SKI: variants seen among roughly 807,000 people sequenced by gnomAD.
SKI encodes the protein ski oncogene.
SKI carries 23 observed loss-of-function variants against 59.3 expected under a neutral mutation model. The observed-to-expected ratio is 0.39, with a 90% CI of 0.28 to 0.55. The LOEUF (loss-of-function observed/expected upper bound fraction) is 0.55. Ranked by LOEUF, SKI falls within the 20% of genes least tolerant of loss-of-function variation. SKI has a pLI of 0.67. For missense variants in SKI, 1,017 were observed against 1,038.9 expected (o/e 0.98, Z 0.29); for synonymous variants, 673 against 488.6 (o/e 1.38, Z -4.98).
At chr1:2,242,428 G>A (rs1638900354) in intron 1 of SKI, among the ~76,000 whole-genome samples, 1 of 152,208 alleles carries the variant, frequency 6.6e-6, no homozygotes, top group African/African-American at 2.4e-5. Context: ...GTGGGAAGCC[G>A]GGATGTGGCC....
intron 1 of SKI, among the ~76,000 whole-genome samples, chr1:2,299,798 C>T (rs1361020344): frequency 1.3e-5 from 2 of 152,204 alleles, no homozygotes; most frequent in East Asian, 3.9e-4. Context: ...TTCTCAATGG[C>T]TCTTCTCTGT....
chr1:2,259,525 T>C (rs1439400909), intron 1 of SKI, among the ~76,000 whole-genome samples: 1 of 152,196 alleles, frequency 6.6e-6, no homozygotes, highest in Non-Finnish European at 1.5e-5. Flanking sequence ...GTTAGGATGA[T>C]TGCTGTGTAG....
Position 2,308,091 on chromosome 1 carries a change from G to A in SKI, c.*1326G>A, listed in dbSNP as rs1569873022. 1 of 152,298 alleles carries A rather than the reference G, an allele frequency of 6.6e-6. No homozygotes were observed. The highest frequency in any genetic ancestry group is 2.4e-5 in the African/African-American group (1 of 41,438). 9.4% of individuals were successfully genotyped at this position (152,298 alleles called of 1,614,324 possible). A position where few individuals can be genotyped will look rare whatever the true frequency, so the allele number is the denominator to read the frequency against. On this transcript the variant is annotated 3_prime_UTR_variant, in exon 7 of 7. Coordinates refer to ENST00000378536, the MANE Select transcript of SKI (RefSeq NM_003036.4). ...ATTGTATAAGGTTTCTTATGCCCAA[G>A]CTTGAAAAATGATTTCCCAGTAGAC...
Position 2,303,461 on chromosome 1 carries a change from A to T in SKI, c.1211+61A>T. 3.5e-6 allele frequency: 5 copies of T among 1,443,042 alleles called. No individual in the cohort carries two copies. Among genetic ancestry groups the T allele is most frequent in the Non-Finnish European group, 4.8e-6 (5 of 1,034,252 alleles). 89.4% of individuals were successfully genotyped at this position (1,443,042 alleles called of 1,614,324 possible). A position where few individuals can be genotyped will look rare whatever the true frequency, so the allele number is the denominator to read the frequency against. Reference sequence around the variant, plus strand: ...GGGGGAGGCTCCACGAGGGCTGTGCATGCGGACGCGCCCATGTTTCTGCAG... The same window carrying T: ...GGGGGAGGCTCCACGAGGGCTGTGCTTGCGGACGCGCCCATGTTTCTGCAG... On this transcript the variant is annotated intron_variant, in intron 3 of 6. Transcript: ENST00000378536. This position sits in a 1 kb window ranked among gnomAD's most constrained non-coding sequence, Gnocchi z 5.6.
chr1:2,264,323 G>T (rs1456762977), intron 1 of SKI, among the ~76,000 whole-genome samples: 1 of 152,184 alleles, frequency 6.6e-6, no homozygotes, highest in Non-Finnish European at 1.5e-5. Flanking sequence ...AGGCTGAAGT[G>T]CAGTGGCACG....
chr1:2,302,940 G>T (rs1209908918), intron 1 of SKI, 38 bp from the exon 2 acceptor site: 1 of 1,612,944 alleles, frequency 6.2e-7, no homozygotes, highest in Admixed American at 1.7e-5. Context: ...CCTGCCCTGG[G>T]AACCACAGGT....
intron 6 of SKI, 120 bp downstream of exon 6, chr1:2,306,370 T>G: frequency 9.3e-7 from 1 of 1,073,956 alleles, no homozygotes; most frequent in Non-Finnish European, 1.3e-6. Flanking sequence ...CGGGACCACG[T>G]TCCGTGCGTG....
intron 1 of SKI, among the ~76,000 whole-genome samples, chr1:2,247,226 C>CA (rs964658895): frequency 4.0e-5 from 6 of 151,796 alleles, no homozygotes; most frequent in Admixed American, 6.5e-5. Flanking sequence ...CTTAAAAAAA[C>CA]AAAAAACAAA....
chr1:2,251,130 G>A (rs545934150), intron 1 of SKI, among the ~76,000 whole-genome samples: 184 of 152,298 alleles, frequency 1.2e-3, no homozygotes, highest in African/African-American at 4.1e-3. Context: ...TGCTGCTGGA[G>A]TCTCGCCTTT....
At chr1:2,235,060 T>G (rs1386889300) in intron 1 of SKI, among the ~76,000 whole-genome samples, 12 of 150,998 alleles carry the variant, frequency 7.9e-5, no homozygotes, top group Non-Finnish European at 1.6e-4. Flanking sequence ...TTTTTTTTTT[T>G]GAGACAGGGT....
chr1:2,286,994 G>A (rs1295568250), intron 1 of SKI, among the ~76,000 whole-genome samples: 6 of 152,244 alleles, frequency 3.9e-5, no homozygotes, highest in African/African-American at 1.2e-4. Context: ...ACATGGCTGC[G>A]TGCCCACAAA....
At chr1:2,292,018 C>G (rs1308318532) in intron 1 of SKI, among the ~76,000 whole-genome samples, 1 of 152,198 alleles carries the variant, frequency 6.6e-6, no homozygotes, top group East Asian at 1.9e-4. Context: ...ATTAATGGCA[C>G]TTACAAAAAT....
rs1186081827 is a variant in SKI, at chr1:2,307,633, C to G, written c.*868C>G. 1 of 152,534 alleles carries G rather than the reference C, an allele frequency of 6.6e-6. No homozygotes were observed. Among genetic ancestry groups the G allele is most frequent in the Non-Finnish European group, 1.5e-5 (1 of 68,048 alleles). The allele number at this position is 152,534 out of a possible 1,614,324, so 9.4% of individuals were successfully genotyped here. A position where few individuals can be genotyped will look rare whatever the true frequency, so the allele number is the denominator to read the frequency against. ...CCTTTTCAGTTCGGCAAACGTCGCTCCCTTCATTTTGGGACTGAGGCTGCA... is the reference window on the plus strand; with the variant it reads ...CCTTTTCAGTTCGGCAAACGTCGCTGCCTTCATTTTGGGACTGAGGCTGCA... On this transcript the variant is annotated 3_prime_UTR_variant, in exon 7 of 7. Transcript: ENST00000378536.
intron 1 of SKI, among the ~76,000 whole-genome samples, chr1:2,236,137 C>T (rs754633297): frequency 4.6e-5 from 7 of 152,136 alleles, no homozygotes; most frequent in Admixed American, 2.6e-4. Context: ...CTTGGGCTGG[C>T]ACACCTGGCG....
chr1:2,293,393 T>A (rs762891491), intron 1 of SKI, among the ~76,000 whole-genome samples: 1 of 151,536 alleles, frequency 6.6e-6, no homozygotes, highest in African/African-American at 2.4e-5. Context: ...GGCCTGCGGA[T>A]GTCGCTTCTC....
chr1:2,286,826 T>C (rs57176637), intron 1 of SKI, among the ~76,000 whole-genome samples: 18,685 of 152,200 alleles, frequency 0.12, 1,281 homozygotes, highest in African/African-American at 0.18. Flanking sequence ...GGACGCTCTT[T>C]ACACGGGCTG....
intron 1 of SKI, among the ~76,000 whole-genome samples, chr1:2,293,760 C>T (rs762908728): frequency 1.3e-5 from 2 of 152,206 alleles, no homozygotes; most frequent in South Asian, 2.1e-4. Context: ...GCTGCCCGGC[C>T]TCTGGGACCG....
At chr1:2,285,269 T>C (rs1331469639) in intron 1 of SKI, among the ~76,000 whole-genome samples, 1 of 152,082 alleles carries the variant, frequency 6.6e-6, no homozygotes, top group Admixed American at 6.5e-5. Context: ...TCCCAGCACT[T>C]TGGGAGGCCG....
At chr1:2,283,467 G>C (rs1639960676) in intron 1 of SKI, among the ~76,000 whole-genome samples, 1 of 152,216 alleles carries the variant, frequency 6.6e-6, no homozygotes, top group Non-Finnish European at 1.5e-5. Flanking sequence ...TCTAGGGAGG[G>C]CCCTGTGATT....
Sources: gnomAD v4.1 joint callset for allele counts (sites outside exome capture counted in the v4.1 genomes callset) on GRCh38, gnomAD v4.1.1 for gene constraint, Gnocchi (gnomAD v3.1) non-coding constraint, MANE v1.5 for transcripts, NCBI Gene and HGNC (gene_info 2026-07-23, HGNC 2026-07-21) for gene names.